BMP15: variants seen among roughly 807,000 people sequenced by gnomAD.
BMP15 encodes the protein growth/differentiation factor 9B.
A neutral mutation model predicts 4.4 loss-of-function variants in BMP15; 5 were observed. That is an observed-to-expected ratio of 1.13 (90% CI 0.59 to 2.38). The LOEUF (loss-of-function observed/expected upper bound fraction) is 2.38, where lower values mean the gene tolerates loss of function less well. Among genes scored for constraint, BMP15 ranks in the 30% most tolerant of loss-of-function variants. The pLI, the probability that BMP15 is intolerant of heterozygous loss-of-function variation, is 0.01. For missense variants in BMP15, 339 were observed against 309.8 expected, an observed-to-expected ratio of 1.09 and a Z score of -0.71; for synonymous variants, 125 against 114.6, an observed-to-expected ratio of 1.09 and a Z score of -0.58.
chrX:50,916,509 A>G lies in BMP15; in HGVS notation c.1081A>G (p.Lys361Glu). ...CCCCCGGCCCTCCTGTGTCCCGTAT[A>G]AGTATGTTCCAATTAGTGTCCTTAT... is the stretch of plus-strand genomic sequence containing the variant. ...SVPRPSCVPYKYVPISVLMIE... is the reference protein window; with the variant it reads ...SVPRPSCVPYEYVPISVLMIE... Residue 361 changes from lysine (K) to glutamate (E), a missense_variant, in exon 2 of 2, where the codon AAG (lysine) becomes GAG (glutamate). Physicochemically the swap from Lys to Glu is moderately conservative, Grantham distance 56 (BLOSUM62 1). Transcript: ENST00000252677. 8.3e-7 allele frequency: 1 copy of G among 1,211,358 alleles called. No individual in the cohort carries two copies. Among genetic ancestry groups the G allele is most frequent in the Non-Finnish European group, 1.1e-6 (1 of 895,351 alleles).
chrX:50,912,807 G>A (rs1923041091), intron 1 of BMP15, among the ~76,000 whole-genome samples: 1 of 111,849 alleles, frequency 8.9e-6, no homozygotes. Flanking sequence ...GTTAAATTGT[G>A]AATTGTGGTA....
rs1477659908 is a variant in BMP15, at chrX:50,916,018, A to T, written c.590A>T (p.Asn197Ile). Residue 197 changes from asparagine to isoleucine, a missense_variant, in exon 2 of 2, where the codon AAC becomes ATC. Coordinates refer to ENST00000252677, the MANE Select transcript of BMP15 (RefSeq NM_005448.2). ...TQLVQQRFWN[N>I]KGHRILRLRF... The stretch of plus-strand genomic sequence containing the variant: ...CTTGTTCAGCAAAGGTTCTGGAATA[A>T]CAAGGGACACAGGATCCTACGACTC... The T allele has an allele frequency of 2.2e-5, 27 of 1,210,421 alleles. No individual in the cohort carries two copies. The highest frequency in any genetic ancestry group is 2.8e-5 in the Non-Finnish European group (25 of 895,399).
In BMP15 at chrX:50,916,283, GC is replaced by G; in HGVS notation, c.857del (p.Pro286LeufsTer84). 2 of 1,206,941 alleles carry G rather than the reference GC, an allele frequency of 1.7e-6. No homozygotes were observed. The highest frequency in any genetic ancestry group is 2.2e-6 in the Non-Finnish European group (2 of 892,711). ...CTGCCTCTTCCTCAAAACATAGCGG[GC>G]CTGAAAATAACCAGTGTTCCCTCCA... ...VTASSSKHSG[P>X]ENNQCSLHPF... On this transcript the variant is annotated frameshift_variant, in exon 2 of 2. Transcript: ENST00000252677. LOFTEE classifies it low-confidence loss of function (END_TRUNC).
intron 1 of BMP15, among the ~76,000 whole-genome samples, chrX:50,912,688 A>G (rs1454929949): frequency 9.0e-6 from 1 of 111,697 alleles, no homozygotes; most frequent in Non-Finnish European, 1.9e-5. Flanking sequence ...ATTAGGTGCC[A>G]AATGTTGGCA....
chrX:50,914,420 C>CA (rs1297194484), intron 1 of BMP15, among the ~76,000 whole-genome samples: 3 of 111,945 alleles, frequency 2.7e-5, no homozygotes, highest in Non-Finnish European at 5.6e-5. Flanking sequence ...CCTGTCTCTA[C>CA]AAAAAACAAA....
At chrX:50,913,785 G>C (rs1228886336) in intron 1 of BMP15, among the ~76,000 whole-genome samples, 1 of 110,898 alleles carries the variant, frequency 9.0e-6, no homozygotes, top group African/African-American at 3.3e-5. Flanking sequence ...CTAGAGGTTT[G>C]GGTTGAGTTC....
Sources: gnomAD v4.1 joint callset for allele counts (sites outside exome capture counted in the v4.1 genomes callset) on GRCh38, gnomAD v4.1.1 for gene constraint, MANE v1.5 for transcripts, NCBI Gene and HGNC (gene_info 2026-07-23, HGNC 2026-07-21) for gene names.